The following LDLRAD4 variants were observed in gnomAD, a reference collection of about 807,000 sequenced individuals.
LDLRAD4 encodes low density lipoprotein receptor class A domain containing 4.
A neutral mutation model predicts 17.0 loss-of-function variants in LDLRAD4; 5 were observed. The observed-to-expected ratio is 0.29, with a 90% CI of 0.15 to 0.62. LDLRAD4 has a LOEUF of 0.62. Among genes scored for constraint, LDLRAD4 ranks in the 20% least tolerant of loss-of-function variants. LDLRAD4 has a pLI of 0.84. For synonymous variants in LDLRAD4, 168 were observed against 171.8 expected, an observed-to-expected ratio of 0.98 and a Z score of 0.17; for missense variants, 340 against 424.7, an observed-to-expected ratio of 0.80 and a Z score of 1.75.
At position 13,307,135 on chromosome 18, in the gene LDLRAD4, T is replaced by C. The variant is rs2046960291; in HGVS notation, c.-383+28947T>C. On this transcript the variant is annotated intron_variant, in intron 1 of 5. Coordinates refer to ENST00000359446, the Ensembl canonical transcript of LDLRAD4. ...CAGGGGAAGAAGAATTGGTGCTGTT[T>C]AGAAACACTTAGATAAATGAAAAAG... 2.0e-5 allele frequency among the ~76,000 whole-genome samples: 3 copies of C among 152,192 alleles called. No homozygotes were observed. The East Asian group carries it at 5.8e-4, about 29-fold the overall frequency.
chr18:13,308,778 G>T (rs1362514617), intron 1 of LDLRAD4, among the ~76,000 whole-genome samples: 1 of 152,232 alleles, frequency 6.6e-6, no homozygotes, highest in Non-Finnish European at 1.5e-5. Context: ...GCGTGATAAC[G>T]CATGCAGATA....
rs5823250 is a variant in LDLRAD4, at chr18:13,386,373, A to AT, written c.-382-956dup. Among the ~76,000 whole-genome samples the AT allele has an allele frequency of 2.0e-3, 295 of 148,254 alleles. 2 individuals are homozygous for AT. The highest frequency in any genetic ancestry group is 0.018 in the Middle Eastern group (5 of 284). ...TGTAAAATGCTTTTATTATTATTCT[A>AT]TTTTTTTTTTTTGAGATGGAGTTTT... On this transcript the variant is annotated intron_variant, in intron 1 of 5. Transcript: ENST00000359446.
chr18:13,284,319 G>T (rs530094262), intron 1 of LDLRAD4, among the ~76,000 whole-genome samples: 3 of 152,032 alleles, frequency 2.0e-5, no homozygotes, highest in African/African-American at 7.2e-5. Context: ...CCTCGTCTCC[G>T]CCTGCTTGTT....
At chr18:13,612,901 C>A in intron 3 of LDLRAD4, 1 of 1,071,622 alleles carries the variant, frequency 9.3e-7, no homozygotes, top group South Asian at 1.6e-5. Flanking sequence ...TTTCTTTCTA[C>A]CTAAGAGGGG....
At chr18:13,473,806 G>C (rs2092861377) in intron 3 of LDLRAD4, among the ~76,000 whole-genome samples, 1 of 151,386 alleles carries the variant, frequency 6.6e-6, no homozygotes, top group Admixed American at 6.6e-5. Flanking sequence ...AAGTTCCTGA[G>C]AGCCTGTGGC....
At chr18:13,582,239 T>C (rs2094871285) in intron 3 of LDLRAD4, among the ~76,000 whole-genome samples, 1 of 152,252 alleles carries the variant, frequency 6.6e-6, no homozygotes. Flanking sequence ...TGGCCAGTTT[T>C]CTTTGCCTTT....
At chr18:13,313,427 A>C (rs907109147) in intron 1 of LDLRAD4, among the ~76,000 whole-genome samples, 1 of 152,182 alleles carries the variant, frequency 6.6e-6, no homozygotes, top group Non-Finnish European at 1.5e-5. Context: ...CAAGGGCTTC[A>C]AGAACCATTC....
At chr18:13,331,994 C>A (rs1019964967) in intron 1 of LDLRAD4, among the ~76,000 whole-genome samples, 1 of 152,218 alleles carries the variant, frequency 6.6e-6, no homozygotes, top group Non-Finnish European at 1.5e-5. Context: ...TGCCATGGCA[C>A]CTGCCAGATG....
intron 3 of LDLRAD4, among the ~76,000 whole-genome samples, chr18:13,510,555 C>G (rs936616348): frequency 5.3e-5 from 8 of 152,188 alleles, no homozygotes; most frequent in African/African-American, 1.9e-4. Flanking sequence ...GGGTAAAAGA[C>G]TACATATTGG....
chr18:13,595,699 T>A (rs940234853), intron 3 of LDLRAD4, among the ~76,000 whole-genome samples: 1 of 152,240 alleles, frequency 6.6e-6, no homozygotes, highest in African/African-American at 2.4e-5. Context: ...TACATATTTG[T>A]CAATTTTTGA....
In LDLRAD4 at chr18:13,492,042, A is replaced by G. The variant is rs555658796; in HGVS notation, c.181+53658A>G. On this transcript the variant is annotated intron_variant, in intron 3 of 5. Coordinates refer to ENST00000359446, the Ensembl canonical transcript of LDLRAD4. ...TGAATACAGTAGCATGGTTTATGCT[A>G]CCTTCATAGAGTTTTTGCCCCCCAC... Among the ~76,000 whole-genome samples, 74 of 152,242 alleles carry G rather than the reference A, an allele frequency of 4.9e-4. 1 individual carries two copies. In the South Asian group the frequency reaches 0.01, roughly 21 times the overall value.
Position 13,363,954 on chromosome 18 carries a change from C to T in LDLRAD4, c.-382-23387C>T, listed in dbSNP as rs897036. 0.026 allele frequency among the ~76,000 whole-genome samples: 3,905 copies of T among 152,284 alleles called. 309 individuals are homozygous for T. The East Asian group carries it at 0.31, about 12-fold the overall frequency. ...GTACTATGCTTGTTTCTTGTGGCAT[C>T]TCTGCTAGACCTGATCTTGTGAGCA... On this transcript the variant is annotated intron_variant, in intron 1 of 5. Transcript: ENST00000359446.
exon 6 of LDLRAD4, chr18:13,650,029 C>T (rs772772383): frequency 2.2e-4 from 88 of 398,498 alleles, no homozygotes; most frequent in South Asian, 5.1e-4. Context: ...AATGCTAGTT[C>T]TCAGCAGCTG....
chr18:13,510,239 C>T (rs57252145), intron 3 of LDLRAD4, among the ~76,000 whole-genome samples: 4,139 of 152,120 alleles, frequency 0.027, 188 homozygotes, highest in African/African-American at 0.095. Context: ...ATAGCCTCTC[C>T]GTGGTTAGAT....
At chr18:13,268,537 T>C (rs1348149020) in intron 1 of LDLRAD4, among the ~76,000 whole-genome samples, 1 of 152,226 alleles carries the variant, frequency 6.6e-6, no homozygotes, top group Non-Finnish European at 1.5e-5. Flanking sequence ...TGCAGCCTTG[T>C]TAAGTCACTG....
intron 2 of LDLRAD4, among the ~76,000 whole-genome samples, chr18:13,427,137 G>A (rs1294589295): frequency 5.3e-5 from 8 of 152,158 alleles, no homozygotes; most frequent in Admixed American, 5.2e-4. Flanking sequence ...AGTGAGCCGA[G>A]ATTGCGCCAC....
Position 13,240,799 on chromosome 18 carries a change from T to C in LDLRAD4, c.-467+21811T>C, listed in dbSNP as rs986624815. 5 of 152,296 alleles carry C rather than the reference T, an allele frequency of 3.3e-5. No homozygotes were observed. The East Asian group carries it at 9.6e-4, about 29-fold the overall frequency. 9.4% of individuals were successfully genotyped at this position (152,296 alleles called of 1,614,324 possible). A position where few individuals can be genotyped will look rare whatever the true frequency, so the allele number is the denominator to read the frequency against. On this transcript the variant is annotated intron_variant, in intron 1 of 5. Coordinates refer to the LDLRAD4 transcript ENST00000399848. Reference sequence around the variant, plus strand: ...TAGCACATAGTAGGTCTTCAGTGACTGCCAGATGAGAGGATATTTAAATGA... The same window carrying C: ...TAGCACATAGTAGGTCTTCAGTGACCGCCAGATGAGAGGATATTTAAATGA...
intron 3 of LDLRAD4, chr18:13,612,989 C>A (rs1369025259): frequency 1.8e-6 from 1 of 548,886 alleles, no homozygotes; most frequent in Non-Finnish European, 3.2e-6. Context: ...TCTTTCAAGC[C>A]TGGAATTAGT....
exon 6 of LDLRAD4, chr18:13,650,059 T>C: frequency 2.5e-6 from 1 of 398,642 alleles, no homozygotes. Flanking sequence ...CCGTTCGCCA[T>C]TTCCACCACC....
Sources: gnomAD v4.1 joint callset for allele counts (sites outside exome capture counted in the v4.1 genomes callset) on GRCh38, gnomAD v4.1.1 for gene constraint, MANE v1.5 for transcripts, NCBI Gene and HGNC (gene_info 2026-07-23, HGNC 2026-07-21) for gene names.